GMDS: variants seen among roughly 807,000 people sequenced by gnomAD.
GMDS encodes the protein GDP-mannose 4,6-dehydratase.
A neutral mutation model predicts 49.9 loss-of-function variants in GMDS; 20 were observed. The ratio of observed to expected loss-of-function variants is 0.40; its 90% CI spans 0.28 to 0.58. GMDS has a LOEUF of 0.58. Among genes scored for constraint, GMDS ranks in the 20% least tolerant of loss-of-function variants. The pLI is 0.42. For missense variants in GMDS, 362 were observed against 481.4 expected (o/e 0.75, Z 2.32); for synonymous variants, 177 against 178.6 (o/e 0.99, Z 0.07).
At chr6:1,924,711 G>A (rs930889996) in intron 7 of GMDS, among the ~76,000 whole-genome samples, 1 of 152,146 alleles carries the variant, frequency 6.6e-6, no homozygotes, top group African/African-American at 2.4e-5. Flanking sequence ...GAAGTCAGAG[G>A]TTCTCTCCCT....
chr6:1,750,342 C>A (rs10458130), intron 7 of GMDS, among the ~76,000 whole-genome samples: 1 of 152,018 alleles, frequency 6.6e-6, no homozygotes, highest in Non-Finnish European at 1.5e-5. Context: ...GTGAGATCAA[C>A]GCAGAAGGCA....
chr6:2,097,197 G>C (rs539282480), intron 4 of GMDS, among the ~76,000 whole-genome samples: 3 of 152,080 alleles, frequency 2.0e-5, no homozygotes, highest in Non-Finnish European at 4.4e-5. Flanking sequence ...TGAATTTTTG[G>C]AATCTAAAAA....
Position 2,144,432 on chromosome 6 carries a change from G to C in GMDS, c.103-19701C>G, listed in dbSNP as rs138617212. 6.5e-3 allele frequency among the ~76,000 whole-genome samples: 992 copies of C among 152,306 alleles called. 12 individuals are homozygous for C. The highest frequency in any genetic ancestry group is 0.023 in the African/African-American group (950 of 41,564). Reference sequence around the variant, plus strand: ...GGCCACAGTCTTTAATGGACTTCCAGGAAAAACAAGGCGGGGCAGGGTGAA... The same window carrying C: ...GGCCACAGTCTTTAATGGACTTCCACGAAAAACAAGGCGGGGCAGGGTGAA... On this transcript the variant is annotated intron_variant, in intron 1 of 10. Coordinates refer to ENST00000380815, the MANE Select transcript of GMDS (RefSeq NM_001500.4).
intron 9 of GMDS, among the ~76,000 whole-genome samples, chr6:1,644,807 G>A (rs1433614694): frequency 6.6e-6 from 1 of 152,170 alleles, no homozygotes; most frequent in African/African-American, 2.4e-5. Context: ...GACAGCTTTG[G>A]CTCTCAGGGC....
intron 9 of GMDS, among the ~76,000 whole-genome samples, chr6:1,652,338 C>T (rs1325171793): frequency 1.9e-5 from 2 of 107,252 alleles, no homozygotes; most frequent in South Asian, 3.0e-4. Context: ...TGCCATTGCA[C>T]TCCAGCCTGG....
At chr6:1,636,499 A>G (rs1205817647) in intron 9 of GMDS, among the ~76,000 whole-genome samples, 2 of 152,264 alleles carry the variant, frequency 1.3e-5, no homozygotes, top group African/African-American at 2.4e-5. Context: ...GGAAGCGTGC[A>G]GCATGAAGAT....
intron 9 of GMDS, among the ~76,000 whole-genome samples, chr6:1,631,558 GT>G (rs925028620): frequency 3.9e-5 from 6 of 151,970 alleles, no homozygotes; most frequent in African/African-American, 1.5e-4. Flanking sequence ...TGTAGATGGG[GT>G]TTTTTTCCTT....
In GMDS at chr6:1,708,784, C is replaced by G. The variant is rs114503025; in HGVS notation, c.987+17632G>C. On this transcript the variant is annotated intron_variant, in intron 9 of 10. Coordinates refer to ENST00000380815, the MANE Select transcript of GMDS (RefSeq NM_001500.4). ...GCCATCTGAAACAGCAAAAGGCCAA[C>G]CGGGGTCACGTCTCTGTACGCTGCA... Among the ~76,000 whole-genome samples, 1,323 of 152,350 alleles carry G rather than the reference C, an allele frequency of 8.7e-3. 21 individuals are homozygous for G. Among genetic ancestry groups the G allele is most frequent in the African/African-American group, 0.03 (1,228 of 41,578 alleles).
chr6:2,141,470 C>T (rs1776282844), intron 1 of GMDS, among the ~76,000 whole-genome samples: 1 of 152,156 alleles, frequency 6.6e-6, no homozygotes. Context: ...GAATAACCTG[C>T]GTAGCACAGG....
rs9502990 is a variant in GMDS, at chr6:1,652,485, T to C, written c.988-27945A>G. On this transcript the variant is annotated intron_variant, in intron 9 of 10. Coordinates refer to ENST00000380815, the MANE Select transcript of GMDS (RefSeq NM_001500.4). ...TATAATATATTATATATATTATATA[T>C]AATATATATTATTTATATAATATAT... Among the ~76,000 whole-genome samples the C allele has an allele frequency of 2.2e-4, 2 of 9,228 alleles. 1 individual carries two copies. 6.1% of individuals were successfully genotyped at this position (9,228 alleles called of 152,430 possible). A position where few individuals can be genotyped will look rare whatever the true frequency, so the allele number is the denominator to read the frequency against.
At chr6:1,866,972 C>A (rs1227114889) in intron 7 of GMDS, among the ~76,000 whole-genome samples, 4 of 152,192 alleles carry the variant, frequency 2.6e-5, no homozygotes, top group African/African-American at 9.7e-5. Flanking sequence ...TTTAAATCGA[C>A]AACAATTTTT....
chr6:2,204,433 T>C (rs1175417778), intron 1 of GMDS, among the ~76,000 whole-genome samples: 2 of 152,332 alleles, frequency 1.3e-5, no homozygotes, highest in Non-Finnish European at 2.9e-5. Context: ...TACCAAATAT[T>C]GCTCATGTGC....
chr6:1,882,535 CAG>C (rs1209532579), intron 7 of GMDS, among the ~76,000 whole-genome samples: 3 of 151,928 alleles, frequency 2.0e-5, no homozygotes. Context: ...AATCATGACA[CAG>C]AATCAATTAA....
intron 4 of GMDS, among the ~76,000 whole-genome samples, chr6:1,993,977 T>A (rs1414665173): frequency 6.6e-6 from 1 of 152,180 alleles, no homozygotes; most frequent in Non-Finnish European, 1.5e-5. Flanking sequence ...ACCACACTTT[T>A]CTAGTGCTTG....
At chr6:1,976,455 G>C (rs1232127869) in intron 4 of GMDS, among the ~76,000 whole-genome samples, 2 of 152,214 alleles carry the variant, frequency 1.3e-5, no homozygotes, top group African/African-American at 2.4e-5. Context: ...TGAATGAATA[G>C]GAGCAGGGTG....
chr6:1,987,918 A>C (rs972371334), intron 4 of GMDS, among the ~76,000 whole-genome samples: 3 of 152,204 alleles, frequency 2.0e-5, no homozygotes, highest in African/African-American at 7.2e-5. Context: ...TCGAAAAAAA[A>C]CTAAAGCTCA....
At position 1,646,521 on chromosome 6, in the gene GMDS, C is replaced by G. The variant is rs553926792; in HGVS notation, c.988-21981G>C. Among the ~76,000 whole-genome samples the G allele has an allele frequency of 7.6e-4, 116 of 152,248 alleles. 1 individual carries two copies. The highest frequency in any genetic ancestry group is 2.7e-3 in the African/African-American group (111 of 41,548). On this transcript the variant is annotated intron_variant, in intron 9 of 10. Transcript: ENST00000380815. ...GCAGCCTCCCAAGCAGCCGGGACTACAGGTTCATGCCACGGCACGTAGCTA... is the reference window on the plus strand; with the variant it reads ...GCAGCCTCCCAAGCAGCCGGGACTAGAGGTTCATGCCACGGCACGTAGCTA...
intron 4 of GMDS, among the ~76,000 whole-genome samples, chr6:2,022,138 C>A (rs1183310686): frequency 6.6e-6 from 1 of 151,808 alleles, no homozygotes; most frequent in Non-Finnish European, 1.5e-5. Flanking sequence ...ATAAGCTGTA[C>A]CAAAAGTAGA....
At chr6:2,076,129 T>G (rs1225787674) in intron 4 of GMDS, among the ~76,000 whole-genome samples, 1 of 152,220 alleles carries the variant, frequency 6.6e-6, no homozygotes, top group Non-Finnish European at 1.5e-5. Context: ...TTTGTCTGAG[T>G]TCTTTGTAGA....
Sources: allele counts gnomAD v4.1 joint callset (sites outside exome capture counted in the v4.1 genomes callset), GRCh38; gene constraint gnomAD v4.1.1; transcripts MANE v1.5; gene names NCBI Gene and HGNC (gene_info 2026-07-23, HGNC 2026-07-21).